TCAF1: variants seen among roughly 807,000 people sequenced by gnomAD.
TCAF1 encodes TRPM8 channel associated factor 1, also known as TRPM8 channel-associated factor 1.
Under a neutral mutation model 27.3 loss-of-function variants are expected in TCAF1, and 4 were observed. That is an observed-to-expected ratio of 0.15 (90% CI 0.07 to 0.34). The LOEUF (loss-of-function observed/expected upper bound fraction) is 0.34. Among genes scored for constraint, TCAF1 ranks in the 10% least tolerant of loss-of-function variants. The probability of loss-of-function intolerance (pLI) is 1.00; values close to 1 mark genes in which losing one functional copy is unlikely to be tolerated. For missense variants in TCAF1, 257 were observed against 425.8 expected (o/e 0.60, Z 3.49); for synonymous variants, 105 against 167.1 (o/e 0.63, Z 2.87).
chr7:143,876,294 G>C lies in TCAF1; in HGVS notation c.315C>G (p.Leu105=), dbSNP rs753036536. 5 of 1,614,054 alleles carry C rather than the reference G, an allele frequency of 3.1e-6. No individual in the cohort carries two copies. Among genetic ancestry groups the C allele is most frequent in the Non-Finnish European group, 4.2e-6 (5 of 1,180,038 alleles). ...CCTTTGCATCCACTCCAGAGCCCTC[G>C]AGGATTTTGGCCAAAGGTGCCAGGG... ...HPSLAPLAKI[L]EGSGVDAKVE... is the part of the protein sequence containing the mutation. The change falls in exon 2 of 9, where the codon CTC becomes CTG. Residue 105 remains leucine (L), a synonymous_variant. Transcript: ENST00000479870.
chr7:143,894,711 A>G (rs527312431), intron 1 of TCAF1, among the ~76,000 whole-genome samples: 2 of 151,884 alleles, frequency 1.3e-5, no homozygotes, highest in South Asian at 2.1e-4. Context: ...AACAATAAAA[A>G]TTAGATATTA....
At chr7:143,901,225 G>C (rs997010885) in intron 1 of TCAF1, among the ~76,000 whole-genome samples, 7 of 152,230 alleles carry the variant, frequency 4.6e-5, no homozygotes, top group Admixed American at 2.6e-4. Context: ...CAAATCACTA[G>C]TTTGGAGGAT....
At chr7:143,858,635 G>C (rs1414427416) in intron 7 of TCAF1, among the ~76,000 whole-genome samples, 189 bp downstream of exon 7, 1 of 152,204 alleles carries the variant, frequency 6.6e-6, no homozygotes, top group Non-Finnish European at 1.5e-5. Context: ...TGAGGGTCAT[G>C]CAAGGCGATG....
intron 1 of TCAF1, among the ~76,000 whole-genome samples, chr7:143,890,542 T>C (rs1185161147): frequency 6.6e-6 from 1 of 152,164 alleles, no homozygotes; most frequent in African/African-American, 2.4e-5. Flanking sequence ...CAACAAAATA[T>C]AGGAAACCAA....
chr7:143,895,025 A>G (rs1309938307), intron 1 of TCAF1, among the ~76,000 whole-genome samples: 1 of 151,816 alleles, frequency 6.6e-6, no homozygotes, highest in Admixed American at 6.6e-5. Flanking sequence ...AAACCATAAT[A>G]AGATACCTAT....
rs957388318 is a variant in TCAF1 at position 143,886,471 on chromosome 7, C to T, written c.-14-9849G>A. 8.3e-5 allele frequency: 81 copies of T among 979,488 alleles called. No homozygotes were observed. In the African/African-American group the frequency reaches 1.4e-3, roughly 17 times the overall value. 60.7% of individuals were successfully genotyped at this position (979,488 alleles called of 1,614,324 possible). On this transcript the variant is annotated intron_variant, in intron 1 of 8. Coordinates refer to ENST00000479870, the MANE Select transcript of TCAF1 (RefSeq NM_014719.3). ...AACTACAGGAAGCATAGGTTAAGAACTCTATTTTATTCTTTCTATTCCCCA... is the reference window on the plus strand; with the variant it reads ...AACTACAGGAAGCATAGGTTAAGAATTCTATTTTATTCTTTCTATTCCCCA...
intron 1 of TCAF1, among the ~76,000 whole-genome samples, chr7:143,883,721 T>C (rs918316839): frequency 1.3e-5 from 2 of 152,136 alleles, no homozygotes; most frequent in African/African-American, 2.4e-5. Context: ...GCCAGGCTGA[T>C]CTCAAATCAC....
chr7:143,879,191 C>T (rs1245530652), intron 1 of TCAF1, among the ~76,000 whole-genome samples: 1 of 152,188 alleles, frequency 6.6e-6, no homozygotes, highest in Admixed American at 6.5e-5. Flanking sequence ...TACGGAAATC[C>T]TGTCCTTCTA....
At chr7:143,885,331 G>A in intron 1 of TCAF1, 1 of 985,560 alleles carries the variant, frequency 1.0e-6, no homozygotes, top group Non-Finnish European at 1.2e-6. Flanking sequence ...GTGGCTAGGA[G>A]GAGGCGTGTG....
chr7:143,865,144 A>AT (rs751727688), intron 2 of TCAF1, among the ~76,000 whole-genome samples: 4,997 of 145,452 alleles, frequency 0.034, 14 homozygotes, highest in African/African-American at 0.082. Context: ...TCTGTTTATA[A>AT]TTTTTTTCTC....
At chr7:143,876,686 C>A in intron 1 of TCAF1, 64 bp from the exon 2 acceptor site, 1 of 1,305,446 alleles carries the variant, frequency 7.7e-7, no homozygotes, top group Non-Finnish European at 1.0e-6. Context: ...ACAAATAGAG[C>A]AGTTCACTCT....
intron 1 of TCAF1, chr7:143,882,615 A>C: frequency 1.0e-6 from 1 of 985,210 alleles, no homozygotes; most frequent in Non-Finnish European, 1.2e-6. Flanking sequence ...CGGCGCACCC[A>C]TCGCGCCCCG....
At position 143,876,486 on chromosome 7, in the gene TCAF1, C is replaced by T; in HGVS notation, c.123G>A (p.Val41=). ...CAATGAGGACCTGGCCCATGTCATT[C>T]ACCATCACAGGAAATGAAGCCTCTC... ...LIGEASFPVM[V]NDMGQVLIAA... is the part of the protein sequence containing the mutation. The change falls in exon 2 of 9, where the codon GTG becomes GTA. Residue 41 remains valine, a synonymous_variant. Coordinates refer to ENST00000479870, the MANE Select transcript of TCAF1 (RefSeq NM_014719.3). The T allele has an allele frequency of 6.3e-7, 1 of 1,594,554 alleles. No homozygotes were observed. Among genetic ancestry groups the T allele is most frequent in the Non-Finnish European group, 8.5e-7 (1 of 1,172,424 alleles).
chr7:143,879,612 G>A (rs372612709), intron 1 of TCAF1, among the ~76,000 whole-genome samples: 11 of 152,084 alleles, frequency 7.2e-5, no homozygotes, highest in Admixed American at 4.6e-4. Flanking sequence ...AAAGATATAC[G>A]TACAGGATGC....
chr7:143,899,238 G>A (rs1458659302), intron 1 of TCAF1, among the ~76,000 whole-genome samples: 1 of 152,142 alleles, frequency 6.6e-6, no homozygotes, highest in East Asian at 1.9e-4. Context: ...AAGGTCAAAG[G>A]TCCAAGTAAA....
At chr7:143,879,299 T>G (rs1812889581) in intron 1 of TCAF1, among the ~76,000 whole-genome samples, 1 of 152,158 alleles carries the variant, frequency 6.6e-6, no homozygotes, top group Non-Finnish European at 1.5e-5. Context: ...ATATATCATG[T>G]GTTGCTCATA....
In TCAF1 at chr7:143,896,234, C is replaced by T. The variant is rs186222381; in HGVS notation, c.-15+5727G>A. On this transcript the variant is annotated intron_variant, in intron 1 of 8. Transcript: ENST00000479870. Reference sequence around the variant, plus strand: ...CTTGATTTGATCTTTGAAAAAAATACGATTTTAAAACAGAAAACATTAATA... The same window carrying T: ...CTTGATTTGATCTTTGAAAAAAATATGATTTTAAAACAGAAAACATTAATA... Among the ~76,000 whole-genome samples, 696 of 151,652 alleles carry T rather than the reference C, an allele frequency of 4.6e-3. 3 individuals carry two copies. The highest frequency in any genetic ancestry group is 0.015 in the African/African-American group (608 of 41,410).
Position 143,901,992 on chromosome 7 carries a change from CTCCTGG to C in TCAF1, c.-52_-47del, listed in dbSNP as rs1029182522. On this transcript the variant is annotated 5_prime_UTR_variant, in exon 1 of 9. Transcript: ENST00000479870. ...CCCAGGCCTCGGTCACCGCGGGCCT[CTCCTGG>C]TCCAGAGTCTACGCTGAACCCCACT... 2 of 152,358 alleles carry C rather than the reference CTCCTGG, an allele frequency of 1.3e-5. No individual in the cohort carries two copies. Among genetic ancestry groups the C allele is most frequent in the African/African-American group, 4.8e-5 (2 of 41,448 alleles). The allele number at this position is 152,358 out of a possible 1,614,324, so 9.4% of individuals were successfully genotyped here.
intron 1 of TCAF1, among the ~76,000 whole-genome samples, chr7:143,877,797 G>C (rs921270722): frequency 2.0e-5 from 3 of 152,234 alleles, no homozygotes; most frequent in Admixed American, 1.3e-4. Context: ...ACCTCTGTCA[G>C]TGCGGCCCGA....
Sources: gnomAD v4.1 joint callset for allele counts (sites outside exome capture counted in the v4.1 genomes callset) on GRCh38, gnomAD v4.1.1 for gene constraint, MANE v1.5 for transcripts, NCBI Gene and HGNC (gene_info 2026-07-23, HGNC 2026-07-21) for gene names.